Variants in KIAA1958 observed in about 807,000 individuals in gnomAD.
KIAA1958 encodes the protein uncharacterized protein KIAA1958.
Under a neutral mutation model 47.2 loss-of-function variants are expected in KIAA1958, and 14 were observed. The observed-to-expected ratio is 0.30, with a 90% CI of 0.20 to 0.46. The LOEUF is 0.46. KIAA1958 is among the 20% of genes least tolerant of loss of function. The probability of loss-of-function intolerance (pLI) is 1.00; values close to 1 mark genes in which losing one functional copy is unlikely to be tolerated. For synonymous variants in KIAA1958, 354 were observed against 353.3 expected, an observed-to-expected ratio of 1.00 and a Z score of -0.02; for missense variants, 803 against 909.2, an observed-to-expected ratio of 0.88 and a Z score of 1.50.
intron 2 of KIAA1958, among the ~76,000 whole-genome samples, chr9:112,595,101 C>T (rs1835995371): frequency 6.6e-6 from 1 of 152,160 alleles, no homozygotes; most frequent in Non-Finnish European, 1.5e-5. Context: ...ACCTGTGATA[C>T]ATAAATAAAC....
chr9:112,563,131 T>C (rs1327135257), intron 1 of KIAA1958, among the ~76,000 whole-genome samples: 1 of 150,380 alleles, frequency 6.6e-6, no homozygotes, highest in Non-Finnish European at 1.5e-5. Flanking sequence ...ATTTTCACAG[T>C]GTTGCCCAGG....
intron 1 of KIAA1958, among the ~76,000 whole-genome samples, chr9:112,557,416 C>A (rs1309332776): frequency 1.3e-5 from 2 of 152,156 alleles, no homozygotes; most frequent in African/African-American, 4.8e-5. Context: ...TCTGTCCAGC[C>A]CCTAAGCAGT....
At chr9:112,593,598 A>T (rs1453819659) in intron 2 of KIAA1958, among the ~76,000 whole-genome samples, 2 of 151,952 alleles carry the variant, frequency 1.3e-5, no homozygotes, top group African/African-American at 4.8e-5. Flanking sequence ...TTGTTTTTTG[A>T]GACAGGGTCT....
intron 1 of KIAA1958, among the ~76,000 whole-genome samples, chr9:112,506,253 G>A (rs1043968771): frequency 6.6e-6 from 1 of 152,110 alleles, no homozygotes; most frequent in Non-Finnish European, 1.5e-5. Context: ...TCAGGAGATC[G>A]AGACCATTCT....
At chr9:112,556,762 A>ACC (rs1835248939) in intron 1 of KIAA1958, among the ~76,000 whole-genome samples, 1 of 151,774 alleles carries the variant, frequency 6.6e-6, no homozygotes, top group African/African-American at 2.4e-5. Flanking sequence ...TGGATTGTTG[A>ACC]CCCCTCCCCT....
intron 2 of KIAA1958, among the ~76,000 whole-genome samples, chr9:112,633,079 C>G (rs978437545): frequency 6.6e-6 from 1 of 152,020 alleles, no homozygotes; most frequent in East Asian, 1.9e-4. Context: ...TTATTATACC[C>G]TCACTTGGCA....
chr9:112,562,434 T>C (rs994671702), intron 1 of KIAA1958, among the ~76,000 whole-genome samples: 9 of 152,312 alleles, frequency 5.9e-5, no homozygotes, highest in Admixed American at 3.9e-4. Context: ...ACCCCTGCAC[T>C]GTCCCAGCTC....
At chr9:112,657,480 A>C (rs1056532058) in intron 3 of KIAA1958, among the ~76,000 whole-genome samples, 1 of 152,180 alleles carries the variant, frequency 6.6e-6, no homozygotes, top group African/African-American at 2.4e-5. Flanking sequence ...TTTTCTAACA[A>C]TGTCATTCAA....
intron 2 of KIAA1958, among the ~76,000 whole-genome samples, chr9:112,615,419 CAA>C (rs35748661): frequency 1.1e-4 from 11 of 103,516 alleles, no homozygotes; most frequent in Non-Finnish European, 1.4e-4. Context: ...GGCTCCGTCT[CAA>C]AAAAAAAAAA....
chr9:112,525,328 T>TAAGG (rs1834621642), intron 1 of KIAA1958, among the ~76,000 whole-genome samples: 1 of 152,240 alleles, frequency 6.6e-6, no homozygotes, highest in African/African-American at 2.4e-5. Flanking sequence ...TCTCCTTTGC[T>TAAGG]GTGATTTCTC....
At chr9:112,579,151 C>G (rs547853900) in intron 2 of KIAA1958, among the ~76,000 whole-genome samples, 3 of 152,152 alleles carry the variant, frequency 2.0e-5, no homozygotes, top group South Asian at 4.1e-4. Flanking sequence ...CTCATAGTCT[C>G]TCACGTATAT....
At chr9:112,494,066 T>C (rs1404459273) in intron 1 of KIAA1958, among the ~76,000 whole-genome samples, 1 of 152,240 alleles carries the variant, frequency 6.6e-6, no homozygotes, top group East Asian at 1.9e-4. Context: ...CTTAGTTTGC[T>C]GAGTCATATT....
intron 2 of KIAA1958, among the ~76,000 whole-genome samples, chr9:112,638,294 C>T (rs1836839849): frequency 6.6e-6 from 1 of 152,030 alleles, no homozygotes; most frequent in African/African-American, 2.4e-5. Flanking sequence ...CGGTTGAAGC[C>T]AGAAATTGAG....
intron 1 of KIAA1958, among the ~76,000 whole-genome samples, chr9:112,498,947 A>G (rs968374616): frequency 2.0e-5 from 3 of 152,122 alleles, no homozygotes; most frequent in Admixed American, 2.0e-4. Flanking sequence ...CTCTACTTCC[A>G]TGAGCTCAAA....
chr9:112,493,440 T>C (rs764767845), intron 1 of KIAA1958, among the ~76,000 whole-genome samples: 28 of 152,314 alleles, frequency 1.8e-4, no homozygotes, highest in Non-Finnish European at 2.9e-4. Context: ...CCATCCATTT[T>C]CCCAGTCCAG....
intron 2 of KIAA1958, among the ~76,000 whole-genome samples, chr9:112,612,786 A>G (rs979726572): frequency 6.6e-6 from 1 of 152,220 alleles, no homozygotes. Context: ...ATACTTGCCC[A>G]TGCATGGGAA....
At position 112,565,217 on chromosome 9, in the gene KIAA1958, A is replaced by G. The variant is rs116080514; in HGVS notation, c.-24-8840A>G. Among the ~76,000 whole-genome samples, 437 of 152,364 alleles carry G rather than the reference A, an allele frequency of 2.9e-3. 3 individuals are homozygous for G. Among genetic ancestry groups the G allele is most frequent in the African/African-American group, 0.01 (416 of 41,594 alleles). ...GTTCATAGCATTGCTAACATAGTGTATTATACTTAACCTAAACTCCACCAG... is the reference window on the plus strand; with the variant it reads ...GTTCATAGCATTGCTAACATAGTGTGTTATACTTAACCTAAACTCCACCAG... On this transcript the variant is annotated intron_variant, in intron 1 of 3. Coordinates refer to ENST00000337530, the MANE Select transcript of KIAA1958 (RefSeq NM_133465.4).
intron 1 of KIAA1958, among the ~76,000 whole-genome samples, chr9:112,527,618 G>T (rs10733591): frequency 3.3e-5 from 5 of 152,178 alleles, no homozygotes; most frequent in Non-Finnish European, 7.3e-5. Flanking sequence ...TGTTTGAAGG[G>T]GTCAAGCGGT....
intron 2 of KIAA1958, among the ~76,000 whole-genome samples, chr9:112,599,189 T>C (rs2131198222): frequency 6.6e-6 from 1 of 152,352 alleles, no homozygotes; most frequent in South Asian, 2.1e-4. Context: ...ACTTTCTTCA[T>C]ACTTTTTGTA....
Sources: allele counts gnomAD v4.1 joint callset (sites outside exome capture counted in the v4.1 genomes callset), GRCh38; gene constraint gnomAD v4.1.1; transcripts MANE v1.5; gene names NCBI Gene and HGNC (gene_info 2026-07-23, HGNC 2026-07-21).